The following SLC26A8 variants were observed in gnomAD, a reference collection of about 807,000 sequenced individuals.
The protein encoded by SLC26A8 is solute carrier family 26 member 8.
A neutral mutation model predicts 105.0 loss-of-function variants in SLC26A8; 70 were observed. The observed-to-expected ratio is 0.67, with a 90% CI of 0.55 to 0.81. The LOEUF is 0.81. Ranked by LOEUF, SLC26A8 falls within the 40% of genes least tolerant of loss-of-function variation. SLC26A8 has a pLI of 0.00. For synonymous variants in SLC26A8, 415 were observed against 438.3 expected (o/e 0.95, Z 0.66); for missense variants, 998 against 1,181.8 (o/e 0.84, Z 2.28).
In SLC26A8 at chr6:35,992,627, C is replaced by T. The variant is rs143521972; in HGVS notation, c.675G>A (p.Pro225=). The stretch of plus-strand genomic sequence containing the variant: ...CCAGGTAAGCACTCATTGCAGACTC[C>T]GGAAGGTAAGTGGCAATGAAGCCCA... ...LGLGFIATYL[P]ESAMSAYLAA... The change falls in exon 6 of 20, where the codon CCG becomes CCA. Residue 225 remains proline (P), a synonymous_variant. Transcript: ENST00000490799. 84 of 1,613,720 alleles carry T rather than the reference C, an allele frequency of 5.2e-5. No individual in the cohort carries two copies. Among genetic ancestry groups the T allele is most frequent in the African/African-American group, 4.0e-4 (30 of 74,890 alleles).
chr6:35,972,947 G>A (rs1377274662), intron 10 of SLC26A8, among the ~76,000 whole-genome samples: 1 of 152,182 alleles, frequency 6.6e-6, no homozygotes, highest in Non-Finnish European at 1.5e-5. Context: ...AGACAGCTCT[G>A]AGGCTGAACT....
chr6:35,982,212 G>A lies in SLC26A8; in HGVS notation c.943-9C>T, dbSNP rs1773300604. 1.2e-6 allele frequency: 2 copies of A among 1,611,958 alleles called. No individual in the cohort carries two copies. The highest frequency in any genetic ancestry group is 1.1e-5 in the South Asian group (1 of 90,736). On this transcript the variant is annotated splice_polypyrimidine_tract_variant and intron_variant, in intron 7 of 19. Coordinates refer to ENST00000490799, the MANE Select transcript of SLC26A8 (RefSeq NM_052961.4). Reference sequence around the variant, plus strand: ...ACAGTGAAGCCAATAATCTGTAGGGGGTAAAAAAAGAAGGGATGGGGGCAT... The same window carrying A: ...ACAGTGAAGCCAATAATCTGTAGGGAGTAAAAAAAGAAGGGATGGGGGCAT...
In SLC26A8 at chr6:35,997,964, G is replaced by C. The variant is rs762247837; in HGVS notation, c.446-45C>G. The C allele has an allele frequency of 1.1e-5, 18 of 1,567,228 alleles. No individual in the cohort carries two copies. The Admixed American group carries it at 1.2e-4, about 11-fold the overall frequency. On this transcript the variant is annotated intron_variant, in intron 4 of 19. Transcript: ENST00000490799. ...GTAGAAGGTGAAGTTTCAAGTCCAGGTAAACTGATATTGACAAAAGCAAGG... is the reference window on the plus strand; with the variant it reads ...GTAGAAGGTGAAGTTTCAAGTCCAGCTAAACTGATATTGACAAAAGCAAGG...
chr6:36,024,476 G>A, intron 1 of SLC26A8, 28 bp downstream of exon 1: 1 of 448,712 alleles, frequency 2.2e-6, no homozygotes, highest in South Asian at 1.6e-5. Flanking sequence ...AGCCCCCGGC[G>A]CCCAGGCGTC....
intron 5 of SLC26A8, 143 bp from the exon 6 acceptor site, chr6:35,992,817 A>C (rs773187994): frequency 9.8e-5 from 80 of 814,692 alleles, no homozygotes; most frequent in Non-Finnish European, 1.3e-4. Context: ...TCTTTCCCTA[A>C]TGAACAGAAG....
chr6:35,976,213 C>G (rs1773015907), intron 9 of SLC26A8, among the ~76,000 whole-genome samples: 1 of 151,946 alleles, frequency 6.6e-6, no homozygotes, highest in Non-Finnish European at 1.5e-5. Flanking sequence ...ATTGTGAGGT[C>G]AGGAGTTCGA....
At chr6:35,983,323 C>T (rs1252921132) in intron 7 of SLC26A8, among the ~76,000 whole-genome samples, 2 of 152,106 alleles carry the variant, frequency 1.3e-5, no homozygotes, top group Non-Finnish European at 1.5e-5. Context: ...AAAGGTAATA[C>T]TTGTTCACAG....
At chr6:35,982,363 A>G (rs1024839761) in intron 7 of SLC26A8, among the ~76,000 whole-genome samples, 160 bp from the exon 8 acceptor site, 4 of 152,238 alleles carry the variant, frequency 2.6e-5, no homozygotes, top group African/African-American at 9.6e-5. Flanking sequence ...TGGCTAGTTC[A>G]GCGGAGCAAG....
chr6:36,002,213 G>A (rs1761542989), intron 3 of SLC26A8, among the ~76,000 whole-genome samples: 1 of 152,128 alleles, frequency 6.6e-6, no homozygotes, highest in South Asian at 2.1e-4. Context: ...TCAGAGACTG[G>A]AACCGAACTA....
intron 14 of SLC26A8, chr6:35,960,459 C>A: frequency 5.2e-6 from 1 of 192,380 alleles, no homozygotes; most frequent in Non-Finnish European, 1.1e-5. Flanking sequence ...AGTCCAAGAC[C>A]AGCCTGGGCA....
At position 35,982,206 on chromosome 6, in the gene SLC26A8, G is replaced by A. The variant is rs763776243; in HGVS notation, c.943-3C>T. Reference sequence around the variant, plus strand: ...GCAATCACAGTGAAGCCAATAATCTGTAGGGGGTAAAAAAAGAAGGGATGG... The same window carrying A: ...GCAATCACAGTGAAGCCAATAATCTATAGGGGGTAAAAAAAGAAGGGATGG... On this transcript the variant is annotated splice_polypyrimidine_tract_variant and splice_region_variant and intron_variant, in intron 7 of 19. Transcript: ENST00000490799. 5 of 1,613,866 alleles carry A rather than the reference G, an allele frequency of 3.1e-6. No homozygotes were observed. The South Asian group carries it at 4.4e-5, about 14-fold the overall frequency.
At chr6:35,959,389 T>TC (rs1772219466) in intron 16 of SLC26A8, 71 bp downstream of exon 16, 2 of 1,487,378 alleles carry the variant, frequency 1.3e-6, no homozygotes, top group Non-Finnish European at 1.8e-6. Context: ...TGATTTTTTT[T>TC]TTAAGAAATG....
chr6:35,994,500 G>A (rs6922708), intron 5 of SLC26A8, among the ~76,000 whole-genome samples: 63,407 of 151,162 alleles, frequency 0.42, 13,584 homozygotes, highest in South Asian at 0.56. Context: ...TTTCTTGCGT[G>A]ACTGGCTGAC....
intron 3 of SLC26A8, among the ~76,000 whole-genome samples, chr6:36,001,990 G>T (rs1286783729): frequency 1.3e-5 from 2 of 152,146 alleles, no homozygotes; most frequent in African/African-American, 4.8e-5. Context: ...GTTGTGCTTT[G>T]CTTCACAATC....
chr6:35,998,294 G>A (rs895744239), intron 4 of SLC26A8, among the ~76,000 whole-genome samples: 14 of 152,118 alleles, frequency 9.2e-5, no homozygotes, highest in African/African-American at 1.4e-4. Flanking sequence ...GGTGGCTCAC[G>A]CCTGTAATCC....
chr6:36,003,322 T>C (rs1761580248), intron 3 of SLC26A8, among the ~76,000 whole-genome samples: 1 of 152,226 alleles, frequency 6.6e-6, no homozygotes, highest in South Asian at 2.1e-4. Context: ...GTCTCTGTAG[T>C]GACATATCTG....
At chr6:35,950,374 C>G (rs974133641) in intron 19 of SLC26A8, among the ~76,000 whole-genome samples, 7 of 151,786 alleles carry the variant, frequency 4.6e-5, no homozygotes, top group African/African-American at 1.5e-4. Flanking sequence ...ACTGCAACCT[C>G]TGCCTCCCGG....
chr6:35,999,180 CACCGT>C (rs1761450014), intron 4 of SLC26A8, among the ~76,000 whole-genome samples: 1 of 152,218 alleles, frequency 6.6e-6, no homozygotes, highest in Non-Finnish European at 1.5e-5. Context: ...AGGCATGAGC[CACCGT>C]ACCTGGCCAA....
At chr6:35,967,229 A>G (rs2127307156) in intron 11 of SLC26A8, among the ~76,000 whole-genome samples, 1 of 152,306 alleles carries the variant, frequency 6.6e-6, no homozygotes, top group Middle Eastern at 3.4e-3. Flanking sequence ...GTCCTGCTCT[A>G]CTGACACCTG....
Sources: allele counts gnomAD v4.1 joint callset (sites outside exome capture counted in the v4.1 genomes callset), GRCh38; gene constraint gnomAD v4.1.1; transcripts MANE v1.5; gene names NCBI Gene and HGNC (gene_info 2026-07-23, HGNC 2026-07-21).